Variants in CLEC16A observed in about 807,000 individuals in gnomAD.
The protein encoded by CLEC16A is protein CLEC16A.
Under a neutral mutation model 109.5 loss-of-function variants are expected in CLEC16A, and 51 were observed. That is an observed-to-expected ratio of 0.47 (90% CI 0.37 to 0.59). CLEC16A has a LOEUF of 0.59. Ranked by LOEUF, CLEC16A falls within the 20% of genes least tolerant of loss-of-function variation. The probability of loss-of-function intolerance (pLI) is 0.00; values close to 1 mark genes in which losing one functional copy is unlikely to be tolerated. For synonymous variants in CLEC16A, 673 were observed against 564.2 expected, an observed-to-expected ratio of 1.19 and a Z score of -2.73; for missense variants, 1,339 against 1,394.0, an observed-to-expected ratio of 0.96 and a Z score of 0.63.
At chr16:10,973,186 C>A in intron 7 of CLEC16A, 125 bp downstream of exon 7, 1 of 1,082,924 alleles carries the variant, frequency 9.2e-7, no homozygotes, top group Non-Finnish European at 1.3e-6. Context: ...AGAGCATGGA[C>A]TTCCGTACTG....
chr16:11,098,709 C>T (rs1445916989), intron 19 of CLEC16A, among the ~76,000 whole-genome samples: 1 of 152,232 alleles, frequency 6.6e-6, no homozygotes, highest in Admixed American at 6.5e-5. Flanking sequence ...CCCTGGATCT[C>T]TCCCAAGACG....
Position 11,178,531 on chromosome 16 carries a change from G to T in CLEC16A, c.3003G>T (p.Thr1001=). 1.9e-6 allele frequency: 3 copies of T among 1,613,160 alleles called. No homozygotes were observed. The highest frequency in any genetic ancestry group is 2.7e-5 in the African/African-American group (2 of 75,058). Residue 1001 remains threonine (T), a synonymous_variant, in exon 24 of 24, where the codon ACG becomes ACT. Coordinates refer to ENST00000409790, the MANE Select transcript of CLEC16A (RefSeq NM_015226.3). This position sits in a 1 kb window ranked among gnomAD's most constrained non-coding sequence, Gnocchi z 6.5. The stretch of plus-strand genomic sequence containing the variant: ...TGCTCTGCGAGGACACGGCTGACAC[G>T]CTGAGCGTCGAATCGCTGACCCTTG... The part of the protein sequence containing the change: ...ISLLCEDTAD[T]LSVESLTLVP...
chr16:11,132,194 A>G (rs1295061494), intron 22 of CLEC16A, among the ~76,000 whole-genome samples: 1 of 151,476 alleles, frequency 6.6e-6, no homozygotes, highest in East Asian at 1.9e-4. Flanking sequence ...CATCCCCTCA[A>G]AAGAAAACCC....
At chr16:11,124,054 G>T in intron 21 of CLEC16A, 108 bp downstream of exon 21, 1 of 983,988 alleles carries the variant, frequency 1.0e-6, no homozygotes, top group African/African-American at 1.6e-5. Context: ...AAGAAGACAC[G>T]TATGATTCAG....
chr16:11,032,126 C>T (rs897519420), intron 13 of CLEC16A, among the ~76,000 whole-genome samples: 1 of 152,170 alleles, frequency 6.6e-6, no homozygotes, highest in African/African-American at 2.4e-5. Flanking sequence ...GACCCGTTTC[C>T]TGAGGACACC....
intron 22 of CLEC16A, among the ~76,000 whole-genome samples, chr16:11,164,203 C>T (rs1053897501): frequency 6.6e-6 from 1 of 152,222 alleles, no homozygotes; most frequent in Non-Finnish European, 1.5e-5. Context: ...ATACCCTCCA[C>T]GCAAGAGGAG....
In CLEC16A at chr16:11,060,899, C is replaced by A; in HGVS notation, c.1996-3C>A. On this transcript the variant is annotated splice_region_variant and splice_polypyrimidine_tract_variant and intron_variant, in intron 18 of 23. Transcript: ENST00000409790. ...TTCTCTGCTCTCTGAACTGTTGGTC[C>A]AGGCCATCCGGGTGTTCTTCATGCT... is the stretch of plus-strand genomic sequence containing the variant. The A allele has an allele frequency of 6.2e-7, 1 of 1,606,962 alleles. No homozygotes were observed. Among genetic ancestry groups the A allele is most frequent in the Non-Finnish European group, 8.5e-7 (1 of 1,176,358 alleles).
chr16:11,132,572 A>T (rs180780907), intron 22 of CLEC16A, among the ~76,000 whole-genome samples: 1 of 152,306 alleles, frequency 6.6e-6, no homozygotes, highest in East Asian at 1.9e-4. Flanking sequence ...TATTTCTGGT[A>T]TATACCTAGG....
At chr16:11,039,136 A>G (rs2047181939) in intron 13 of CLEC16A, among the ~76,000 whole-genome samples, 1 of 152,020 alleles carries the variant, frequency 6.6e-6, no homozygotes, top group African/African-American at 2.4e-5. Context: ...GAGTTGTGCT[A>G]TGGGATGGTG....
intron 19 of CLEC16A, among the ~76,000 whole-genome samples, chr16:11,062,530 C>G (rs1042975279): frequency 1.3e-5 from 2 of 152,100 alleles, no homozygotes; most frequent in African/African-American, 2.4e-5. Context: ...ATCACGTGAC[C>G]AAGCATAGTG....
chr16:11,043,237 A>G (rs1424052986), intron 15 of CLEC16A, among the ~76,000 whole-genome samples: 2 of 152,104 alleles, frequency 1.3e-5, no homozygotes, highest in African/African-American at 4.8e-5. Context: ...TGGACAACAT[A>G]GTGAGACCCT....
At chr16:11,044,220 C>A in intron 16 of CLEC16A, 148 bp downstream of exon 16, 1 of 599,820 alleles carries the variant, frequency 1.7e-6, no homozygotes, top group Non-Finnish European at 2.5e-6. Flanking sequence ...ATTTCATAGT[C>A]CCTAGAGTAG....
chr16:11,091,692 G>GA (rs1173209921), intron 19 of CLEC16A, among the ~76,000 whole-genome samples: 1 of 152,132 alleles, frequency 6.6e-6, no homozygotes, highest in African/African-American at 2.4e-5. Context: ...TCCTTCATCT[G>GA]AAAAATGAGG....
intron 11 of CLEC16A, among the ~76,000 whole-genome samples, chr16:11,010,315 G>T (rs2045321893): frequency 6.6e-6 from 1 of 151,698 alleles, no homozygotes; most frequent in Non-Finnish European, 1.5e-5. Context: ...CTTTCTCAAT[G>T]CACACAACAG....
intron 8 of CLEC16A, among the ~76,000 whole-genome samples, chr16:10,978,742 A>G (rs947473606): frequency 3.3e-5 from 5 of 152,222 alleles, no homozygotes; most frequent in African/African-American, 1.2e-4. Context: ...GAGACAAAGT[A>G]TGAGAATTGG....
chr16:11,133,434 G>A (rs1469269085), intron 22 of CLEC16A, among the ~76,000 whole-genome samples: 1 of 152,048 alleles, frequency 6.6e-6, no homozygotes, highest in Non-Finnish European at 1.5e-5. Flanking sequence ...ACCTAAACCG[G>A]CAGGGTCAGT....
At chr16:10,993,564 C>T (rs573307100) in intron 10 of CLEC16A, among the ~76,000 whole-genome samples, 1 of 152,278 alleles carries the variant, frequency 6.6e-6, no homozygotes, top group South Asian at 2.1e-4. Flanking sequence ...TATTCCAAGT[C>T]TTTTTATCAC....
intron 19 of CLEC16A, among the ~76,000 whole-genome samples, chr16:11,098,723 T>C (rs1234424072): frequency 6.6e-6 from 1 of 152,176 alleles, no homozygotes; most frequent in African/African-American, 2.4e-5. Flanking sequence ...CAAGACGCTG[T>C]GTGTGAGCTT....
chr16:10,983,120 G>A, intron 10 of CLEC16A, 129 bp downstream of exon 10: 1 of 586,542 alleles, frequency 1.7e-6, no homozygotes, highest in Non-Finnish European at 3.1e-6. Flanking sequence ...GCTGGTCCGG[G>A]ATTCAGTGAA....
Sources: gnomAD v4.1 joint callset for allele counts (sites outside exome capture counted in the v4.1 genomes callset) on GRCh38, gnomAD v4.1.1 for gene constraint, Gnocchi (gnomAD v3.1) non-coding constraint, MANE v1.5 for transcripts, NCBI Gene and HGNC (gene_info 2026-07-23, HGNC 2026-07-21) for gene names.